MAGI2: variants seen among roughly 807,000 people sequenced by gnomAD.
MAGI2 encodes membrane-associated guanylate kinase, WW and PDZ domain-containing protein 2.
A neutral mutation model predicts 133.3 loss-of-function variants in MAGI2; 35 were observed. That is an observed-to-expected ratio of 0.26 (90% CI 0.20 to 0.35). The LOEUF is 0.35. MAGI2 is among the 10% of genes least tolerant of loss of function. The probability of loss-of-function intolerance (pLI) is 1.00; values close to 1 mark genes in which losing one functional copy is unlikely to be tolerated. For synonymous variants in MAGI2, 729 were observed against 710.6 expected (o/e 1.03, Z -0.41); for missense variants, 1,636 against 1,863.4 (o/e 0.88, Z 2.25).
intron 1 of MAGI2, among the ~76,000 whole-genome samples, chr7:79,376,055 T>C (rs1195496143): frequency 1.3e-5 from 2 of 151,860 alleles, no homozygotes; most frequent in Non-Finnish European, 2.9e-5. Flanking sequence ...GTCCAAAGTA[T>C]ACTTTTGTGA....
At chr7:78,531,695 A>C (rs1205038967) in intron 3 of MAGI2, among the ~76,000 whole-genome samples, 1 of 152,242 alleles carries the variant, frequency 6.6e-6, no homozygotes, top group Non-Finnish European at 1.5e-5. Flanking sequence ...TTGATAAAGA[A>C]AACTGAGCCT....
chr7:78,825,951 C>T (rs925954837), intron 2 of MAGI2, among the ~76,000 whole-genome samples: 2 of 152,056 alleles, frequency 1.3e-5, no homozygotes, highest in Non-Finnish European at 2.9e-5. Context: ...CAAGATGCCT[C>T]TCAATAGGTA....
chr7:78,349,880 A>G (rs559801108), intron 7 of MAGI2, among the ~76,000 whole-genome samples: 1 of 152,240 alleles, frequency 6.6e-6, no homozygotes, highest in Non-Finnish European at 1.5e-5. Flanking sequence ...TACAATGTGT[A>G]CAAAAAGATG....
At chr7:78,346,757 T>A (rs1175996418) in intron 7 of MAGI2, among the ~76,000 whole-genome samples, 2 of 152,152 alleles carry the variant, frequency 1.3e-5, no homozygotes. Context: ...GCAGAGTTCC[T>A]TATCTGTGGG....
At chr7:79,207,572 TA>T (rs1312182364) in intron 1 of MAGI2, among the ~76,000 whole-genome samples, 1 of 151,874 alleles carries the variant, frequency 6.6e-6, no homozygotes, top group Admixed American at 6.6e-5. Flanking sequence ...CACAAATAAA[TA>T]AAATGATATT....
intron 2 of MAGI2, among the ~76,000 whole-genome samples, chr7:78,738,724 T>C (rs1384895608): frequency 6.6e-6 from 1 of 152,124 alleles, no homozygotes; most frequent in Non-Finnish European, 1.5e-5. Context: ...ATAAAATAAA[T>C]GTGTGAAATG....
rs1562805324 is a variant in MAGI2, at chr7:79,028,267, ATGTATGTATG to A, written c.302-21071_302-21062del. Among the ~76,000 whole-genome samples, 53 of 30,560 alleles carry A rather than the reference ATGTATGTATG, an allele frequency of 1.7e-3. 1 individual carries two copies. Among genetic ancestry groups the A allele is most frequent in the African/African-American group, 5.8e-3 (47 of 8,142 alleles). 20.0% of individuals were successfully genotyped at this position (30,560 alleles called of 152,430 possible). On this transcript the variant is annotated intron_variant, in intron 1 of 21. Transcript: ENST00000354212. ...TATATATATATATATATATATATAT[ATGTATGTATG>A]TATATATATATATATGTGTGTATAT...
chr7:78,329,020 T>G (rs1456232948), intron 9 of MAGI2, among the ~76,000 whole-genome samples: 1 of 152,214 alleles, frequency 6.6e-6, no homozygotes, highest in Non-Finnish European at 1.5e-5. Context: ...TTTTTTCCCT[T>G]GTGACAATAG....
chr7:78,575,853 C>T (rs947242540), intron 3 of MAGI2, among the ~76,000 whole-genome samples: 14 of 152,068 alleles, frequency 9.2e-5, no homozygotes, highest in African/African-American at 3.1e-4. Flanking sequence ...AATGTGGTAT[C>T]CTGGGTGAAA....
chr7:78,983,485 T>C (rs1804966712), intron 2 of MAGI2, among the ~76,000 whole-genome samples: 1 of 151,956 alleles, frequency 6.6e-6, no homozygotes, highest in Non-Finnish European at 1.5e-5. Flanking sequence ...AATAGTACTT[T>C]TTCTCTCTAC....
chr7:78,656,499 G>A (rs529737160), intron 2 of MAGI2, among the ~76,000 whole-genome samples: 2 of 152,084 alleles, frequency 1.3e-5, no homozygotes, highest in African/African-American at 4.8e-5. Context: ...GAAACAGAGA[G>A]TAGAACAGTG....
chr7:78,601,955 T>C (rs1805251920), intron 3 of MAGI2, among the ~76,000 whole-genome samples: 1 of 152,148 alleles, frequency 6.6e-6, no homozygotes, highest in Non-Finnish European at 1.5e-5. Context: ...CCTACTTAGC[T>C]GAGTCTATTA....
intron 10 of MAGI2, among the ~76,000 whole-genome samples, chr7:78,222,902 G>A (rs1788974387): frequency 2.0e-5 from 3 of 151,660 alleles, no homozygotes; most frequent in Admixed American, 2.0e-4. Context: ...AAAGTGTAAT[G>A]AAAAGCAAAA....
chr7:78,490,463 A>C (rs17150898), intron 5 of MAGI2, among the ~76,000 whole-genome samples: 18,922 of 152,108 alleles, frequency 0.12, 1,456 homozygotes, highest in South Asian at 0.32. Context: ...TGGCATTTCC[A>C]GAAAGTAATG....
intron 2 of MAGI2, among the ~76,000 whole-genome samples, chr7:78,993,200 G>C (rs563718466): frequency 6.6e-6 from 1 of 152,124 alleles, no homozygotes; most frequent in African/African-American, 2.4e-5. Context: ...CTTATAACCA[G>C]TTAGCATAAT....
At chr7:79,300,884 T>G (rs1320465450) in intron 1 of MAGI2, among the ~76,000 whole-genome samples, 1 of 152,256 alleles carries the variant, frequency 6.6e-6, no homozygotes, top group Non-Finnish European at 1.5e-5. Flanking sequence ...ACATCCTGGC[T>G]GCTCTGGCTT....
At chr7:78,320,808 A>G (rs1337286794) in intron 9 of MAGI2, among the ~76,000 whole-genome samples, 1 of 152,184 alleles carries the variant, frequency 6.6e-6, no homozygotes, top group East Asian at 1.9e-4. Flanking sequence ...AAGGGTATTC[A>G]AATAGGAAGA....
At chr7:79,441,057 G>A (rs554516521) in intron 1 of MAGI2, among the ~76,000 whole-genome samples, 2 of 152,334 alleles carry the variant, frequency 1.3e-5, no homozygotes, top group African/African-American at 4.8e-5. Flanking sequence ...ACTTAGAAGT[G>A]GGCTATAAGC....
chr7:79,189,294 G>A (rs1228815677), intron 1 of MAGI2, among the ~76,000 whole-genome samples: 1 of 100,986 alleles, frequency 9.9e-6, no homozygotes, highest in Non-Finnish European at 1.9e-5. Context: ...TCCTGTTAAT[G>A]TTTGCCATTT....
Sources: allele counts gnomAD v4.1 joint callset (sites outside exome capture counted in the v4.1 genomes callset), GRCh38; gene constraint gnomAD v4.1.1; transcripts MANE v1.5; gene names NCBI Gene and HGNC (gene_info 2026-07-23, HGNC 2026-07-21).